The following ZSWIM6 variants were observed in gnomAD, a reference collection of about 807,000 sequenced individuals.
ZSWIM6 encodes zinc finger SWIM domain-containing protein 6.
A neutral mutation model predicts 113.2 loss-of-function variants in ZSWIM6; 9 were observed. The observed-to-expected ratio is 0.08, with a 90% confidence interval of 0.05 to 0.14. The LOEUF is 0.14. ZSWIM6 is among the 10% of genes least tolerant of loss of function. The pLI is 1.00. For missense variants in ZSWIM6, 1,162 were observed against 1,552.2 expected, an observed-to-expected ratio of 0.75 and a Z score of 4.22; for synonymous variants, 611 against 606.5, an observed-to-expected ratio of 1.01 and a Z score of -0.11.
At chr5:61,403,124 A>C (rs1745973207) in intron 1 of ZSWIM6, among the ~76,000 whole-genome samples, 1 of 152,222 alleles carries the variant, frequency 6.6e-6, no homozygotes, top group Non-Finnish European at 1.5e-5. Context: ...GATTTAGAAG[A>C]AACAAAGATT....
At chr5:61,512,578 T>C (rs115792650) in intron 4 of ZSWIM6, among the ~76,000 whole-genome samples, 194 of 152,240 alleles carry the variant, frequency 1.3e-3, no homozygotes, top group African/African-American at 4.5e-3. Context: ...TAAACACTCT[T>C]CAAACAGCAA....
At chr5:61,536,614 T>C (rs974711021) in intron 10 of ZSWIM6, among the ~76,000 whole-genome samples, 1 of 152,234 alleles carries the variant, frequency 6.6e-6, no homozygotes, top group Non-Finnish European at 1.5e-5. Context: ...AATCCTTGCC[T>C]ATAAATTACC....
chr5:61,456,157 A>G (rs1747201858), intron 1 of ZSWIM6, among the ~76,000 whole-genome samples: 1 of 152,104 alleles, frequency 6.6e-6, no homozygotes, highest in Non-Finnish European at 1.5e-5. Context: ...TTACACCAGG[A>G]GAGTTCAATT....
At chr5:61,465,545 A>G (rs897362991) in intron 1 of ZSWIM6, among the ~76,000 whole-genome samples, 10 of 152,076 alleles carry the variant, frequency 6.6e-5, no homozygotes, top group African/African-American at 2.4e-4. Context: ...ATAATTATCT[A>G]ATGCCACTCA....
intron 1 of ZSWIM6, among the ~76,000 whole-genome samples, chr5:61,468,975 T>C (rs966780022): frequency 6.6e-6 from 1 of 152,184 alleles, no homozygotes; most frequent in Non-Finnish European, 1.5e-5. Flanking sequence ...TACTTTAGCA[T>C]GCTCACCTAA....
intron 1 of ZSWIM6, chr5:61,390,841 G>A: frequency 1.2e-6 from 1 of 819,652 alleles, no homozygotes; most frequent in Non-Finnish European, 2.1e-6. Flanking sequence ...GACTTGTGAA[G>A]GGTGAGCACT....
At chr5:61,379,364 G>T (rs1261122946) in intron 1 of ZSWIM6, among the ~76,000 whole-genome samples, 1 of 150,106 alleles carries the variant, frequency 6.7e-6, no homozygotes, top group Non-Finnish European at 1.5e-5. Context: ...TTTTTGATTT[G>T]TGAAGTGTTT....
intron 1 of ZSWIM6, among the ~76,000 whole-genome samples, chr5:61,402,119 A>AAAT (rs771916646): frequency 6.6e-6 from 1 of 152,172 alleles, no homozygotes; most frequent in East Asian, 1.9e-4. Flanking sequence ...TGTCACCTTT[A>AAAT]AAATGTCGTT....
chr5:61,424,147 A>G (rs1341053912), intron 1 of ZSWIM6, among the ~76,000 whole-genome samples: 1 of 152,212 alleles, frequency 6.6e-6, no homozygotes, highest in Non-Finnish European at 1.5e-5. Context: ...GCTTTGAAGG[A>G]ACACATAGGA....
chr5:61,395,551 A>T (rs1043300388), intron 1 of ZSWIM6, among the ~76,000 whole-genome samples: 1 of 152,246 alleles, frequency 6.6e-6, no homozygotes, highest in Non-Finnish European at 1.5e-5. Flanking sequence ...AGGGCTATAC[A>T]CATGATGATA....
intron 11 of ZSWIM6, among the ~76,000 whole-genome samples, 197 bp downstream of exon 11, chr5:61,539,168 A>AGC (rs1749661281): frequency 6.6e-6 from 1 of 152,254 alleles, no homozygotes; most frequent in Admixed American, 6.5e-5. Context: ...ACTTGCTGCC[A>AGC]GCAGAGTTCA....
intron 1 of ZSWIM6, among the ~76,000 whole-genome samples, chr5:61,420,471 A>AT (rs556880885): frequency 1.1e-3 from 162 of 151,488 alleles, no homozygotes; most frequent in African/African-American, 3.0e-3. Flanking sequence ...AGTTTCTAGT[A>AT]TTTTTTTTAC....
At chr5:61,407,697 G>C (rs1418047103) in intron 1 of ZSWIM6, among the ~76,000 whole-genome samples, 2 of 152,158 alleles carry the variant, frequency 1.3e-5, no homozygotes, top group African/African-American at 4.8e-5. Flanking sequence ...AGTTCACAGA[G>C]AAATACAAAT....
intron 1 of ZSWIM6, among the ~76,000 whole-genome samples, chr5:61,340,946 AAG>A (rs1744532052): frequency 6.6e-6 from 1 of 152,234 alleles, no homozygotes; most frequent in South Asian, 2.1e-4. Context: ...TTTGAGATTA[AAG>A]TTCAGAAAAA....
intron 1 of ZSWIM6, among the ~76,000 whole-genome samples, chr5:61,379,185 GAAAAAAA>G (rs1211778480): frequency 6.2e-4 from 24 of 38,574 alleles, no homozygotes; most frequent in Middle Eastern, 0.032. Flanking sequence ...TCCTGTCTCT[GAAAAAAA>G]AAAAAAAAAA....
chr5:61,409,521 TG>T (rs1331593297), intron 1 of ZSWIM6, among the ~76,000 whole-genome samples: 1 of 152,194 alleles, frequency 6.6e-6, no homozygotes, highest in Non-Finnish European at 1.5e-5. Flanking sequence ...AAGAAAAATG[TG>T]GGTTCTTGGT....
chr5:61,539,461 T>C (rs770567323), intron 11 of ZSWIM6, 135 bp from the exon 12 acceptor site: 5 of 1,072,456 alleles, frequency 4.7e-6, no homozygotes, highest in Admixed American at 2.9e-5. Context: ...TTAGGTAAAT[T>C]AACTTGTGCT....
chr5:61,530,864 C>G (rs368094954), intron 8 of ZSWIM6, among the ~76,000 whole-genome samples: 1 of 152,112 alleles, frequency 6.6e-6, no homozygotes, highest in African/African-American at 2.4e-5. Context: ...TGTGGGTAAC[C>G]CAGACACTGT....
At chr5:61,533,578 C>T (rs891442446) in intron 9 of ZSWIM6, among the ~76,000 whole-genome samples, 4 of 152,074 alleles carry the variant, frequency 2.6e-5, no homozygotes, top group African/African-American at 9.7e-5. Flanking sequence ...TATTGGATAC[C>T]TGACTGAATG....
Sources: gnomAD v4.1 joint callset for allele counts (sites outside exome capture counted in the v4.1 genomes callset) on GRCh38, gnomAD v4.1.1 for gene constraint, MANE v1.5 for transcripts, NCBI Gene and HGNC (gene_info 2026-07-23, HGNC 2026-07-21) for gene names.